The following CAST variants were observed in gnomAD, a reference collection of about 807,000 sequenced individuals.
The protein encoded by CAST is MIR583 host.
In CAST, 76 loss-of-function variants were observed where a neutral mutation model predicts 119.6. The observed-to-expected ratio is 0.64, with a 90% confidence interval of 0.53 to 0.77. CAST has a LOEUF of 0.77. CAST is among the 30% of genes least tolerant of loss of function. The pLI, the probability that CAST is intolerant of heterozygous loss-of-function variation, is 0.00. For missense variants in CAST, 953 were observed against 946.5 expected (o/e 1.01, Z -0.09); for synonymous variants, 319 against 331.6 (o/e 0.96, Z 0.41).
At chr5:96,565,770 T>C (rs959500002) in intron 1 of CAST, among the ~76,000 whole-genome samples, 4 of 152,188 alleles carry the variant, frequency 2.6e-5, no homozygotes, top group African/African-American at 7.2e-5. Context: ...CCCCATGAGA[T>C]GTACCGGGCA....
chr5:96,510,057 T>G, the CAST span, among the ~76,000 whole-genome samples: 1 of 152,180 alleles, frequency 6.6e-6, no homozygotes, highest in African/African-American at 2.4e-5. Flanking sequence ...AATATACTAT[T>G]GAATTTTTTT....
chr5:96,173,017 A>C, the CAST span, among the ~76,000 whole-genome samples: 2 of 152,226 alleles, frequency 1.3e-5, no homozygotes, highest in Non-Finnish European at 2.9e-5. Flanking sequence ...TAATGAAGCC[A>C]CAGTATTCTC....
At chr5:96,435,236 C>A in the CAST span, among the ~76,000 whole-genome samples, 2 of 152,120 alleles carry the variant, frequency 1.3e-5, no homozygotes, top group Admixed American at 6.5e-5. Context: ...AGAGTGTTGG[C>A]AATAGGGTCC....
intron 1 of CAST, among the ~76,000 whole-genome samples, chr5:96,562,734 T>C (rs1239740977): frequency 1.3e-5 from 2 of 152,128 alleles, no homozygotes; most frequent in Non-Finnish European, 2.9e-5. Flanking sequence ...CTGCTTCCAA[T>C]CTCCAGGAAG....
At chr5:96,444,516 C>G in the CAST span, among the ~76,000 whole-genome samples, 1 of 151,266 alleles carries the variant, frequency 6.6e-6, no homozygotes, top group Non-Finnish European at 1.5e-5. Context: ...TTGTCTATAA[C>G]AGATAAAAAT....
chr5:95,971,781 C>T, the CAST span, among the ~76,000 whole-genome samples: 1,074 of 152,198 alleles, frequency 7.1e-3, 12 homozygotes, highest in African/African-American at 0.024. Flanking sequence ...TGCAGGTACC[C>T]GTAGTTTGTT....
the CAST span, among the ~76,000 whole-genome samples, chr5:96,137,169 C>G: frequency 1.3e-5 from 2 of 152,298 alleles, no homozygotes; most frequent in African/African-American, 4.8e-5. Context: ...TGGAATATCT[C>G]TGGTGCTTCA....
the CAST span, among the ~76,000 whole-genome samples, chr5:96,302,463 T>C: frequency 6.6e-6 from 1 of 152,214 alleles, no homozygotes; most frequent in Non-Finnish European, 1.5e-5. Context: ...GGGTTTTTCT[T>C]TTCTACCACA....
chr5:96,278,033 TAG>T, the CAST span, among the ~76,000 whole-genome samples: 1 of 151,852 alleles, frequency 6.6e-6, no homozygotes, highest in East Asian at 1.9e-4. Context: ...TGAATTAAAA[TAG>T]AGTTTTTTTT....
At chr5:96,504,020 A>C in the CAST span, among the ~76,000 whole-genome samples, 1 of 152,278 alleles carries the variant, frequency 6.6e-6, no homozygotes, top group East Asian at 1.9e-4. Flanking sequence ...GCTGACATGC[A>C]GGCCAGAAGG....
At chr5:96,552,816 T>A (rs896311204) in intron 1 of CAST, among the ~76,000 whole-genome samples, 1 of 152,038 alleles carries the variant, frequency 6.6e-6, no homozygotes, top group Non-Finnish European at 1.5e-5. Context: ...CTAAAAGAAA[T>A]TGATAAATTC....
At chr5:96,768,473 C>G (rs1437798224) in intron 29 of CAST, 7 of 433,672 alleles carry the variant, frequency 1.6e-5, no homozygotes, top group Non-Finnish European at 3.2e-5. Context: ...ATTCCACTGC[C>G]CCCAAAACAG....
At chr5:96,471,888 T>C in the CAST span, among the ~76,000 whole-genome samples, 1 of 152,106 alleles carries the variant, frequency 6.6e-6, no homozygotes, top group South Asian at 2.1e-4. Flanking sequence ...TAAAGACACA[T>C]TCAGGCTCAT....
the CAST span, among the ~76,000 whole-genome samples, chr5:96,039,297 C>A: frequency 2.6e-3 from 403 of 152,160 alleles, 1 homozygote; most frequent in Non-Finnish European, 4.5e-3. Flanking sequence ...GGATAGATTG[C>A]AAAAATTTTC....
chr5:96,095,118 G>T, the CAST span, among the ~76,000 whole-genome samples: 1 of 152,206 alleles, frequency 6.6e-6, no homozygotes, highest in Non-Finnish European at 1.5e-5. Context: ...GATTTAGGCT[G>T]TATCTTGTGT....
At chr5:96,147,913 C>T in the CAST span, among the ~76,000 whole-genome samples, 1 of 152,244 alleles carries the variant, frequency 6.6e-6, no homozygotes, top group Non-Finnish European at 1.5e-5. Context: ...CATCCATCCA[C>T]ATGAATCCCA....
chr5:96,410,937 C>T, the CAST span: 1 of 1,614,006 alleles, frequency 6.2e-7, no homozygotes, highest in Non-Finnish European at 8.5e-7. Context: ...TCCCTGACGC[C>T]CCCCGTTTCC....
At chr5:96,217,221 T>TTTTTTTTTTTA in the CAST span, among the ~76,000 whole-genome samples, 3 of 149,712 alleles carry the variant, frequency 2.0e-5, no homozygotes, top group Middle Eastern at 0.01. Context: ...TTTTTTTTTT[T>TTTTTTTTTTTA]ATAGAGATGA....
the CAST span, among the ~76,000 whole-genome samples, chr5:96,236,087 G>A: frequency 8.4e-6 from 1 of 118,574 alleles, no homozygotes; most frequent in African/African-American, 3.0e-5. Flanking sequence ...CTCTATGTCT[G>A]TCTGTCTATC....
Sources: gnomAD v4.1 joint callset for allele counts (sites outside exome capture counted in the v4.1 genomes callset) on GRCh38, gnomAD v4.1.1 for gene constraint, MANE v1.5 for transcripts, NCBI Gene and HGNC (gene_info 2026-07-23, HGNC 2026-07-21) for gene names.